PGAP1: variants seen among roughly 807,000 people sequenced by gnomAD.
The protein encoded by PGAP1 is post-GPI attachment to proteins inositol deacylase 1, also known as GPI inositol-deacylase.
In PGAP1, 76 loss-of-function variants were observed where a neutral mutation model predicts 127.0. The observed-to-expected ratio is 0.60, with a 90% CI of 0.50 to 0.72. The LOEUF (loss-of-function observed/expected upper bound fraction) is 0.72, where lower values mean the gene tolerates loss of function less well. Among genes scored for constraint, PGAP1 ranks in the 30% least tolerant of loss-of-function variants. The pLI is 0.00. For synonymous variants in PGAP1, 362 were observed against 366.5 expected (o/e 0.99, Z 0.14); for missense variants, 982 against 1,071.3 (o/e 0.92, Z 1.16).
chr2:196,875,870 G>A, intron 13 of PGAP1, 49 bp from the exon 14 acceptor site: 1 of 958,964 alleles, frequency 1.0e-6, no homozygotes, highest in Non-Finnish European at 1.6e-6. Context: ...TAAATTTACA[G>A]TAAAGTATCT....
intron 12 of PGAP1, 101 bp downstream of exon 12, chr2:196,885,318 GTTTAT>G: frequency 1.4e-6 from 1 of 721,620 alleles, no homozygotes; most frequent in East Asian, 2.7e-5. Flanking sequence ...TAAATCTCAA[GTTTAT>G]TTAATACCAA....
intron 7 of PGAP1, among the ~76,000 whole-genome samples, chr2:196,895,175 C>A (rs1702232245): frequency 6.6e-6 from 1 of 152,106 alleles, no homozygotes; most frequent in Non-Finnish European, 1.5e-5. Flanking sequence ...AAAAATTTCT[C>A]ATTTTCTCCT....
chr2:196,913,464 T>C (rs753259114), intron 3 of PGAP1, among the ~76,000 whole-genome samples: 2 of 152,378 alleles, frequency 1.3e-5, no homozygotes, highest in African/African-American at 2.4e-5. Flanking sequence ...ACAGTTGCGA[T>C]AGCAATATAT....
In PGAP1 at chr2:196,898,467, T is replaced by C. The variant is rs1472961331; in HGVS notation, c.808-98A>G. The C allele has an allele frequency of 9.2e-6, 7 of 761,478 alleles. No individual in the cohort carries two copies. In the South Asian group the frequency reaches 1.2e-4, roughly 13 times the overall value. The allele number at this position is 761,478 out of a possible 1,614,324, so 47.2% of individuals were successfully genotyped here. ...AGCTAATATTTAGAAACACATAATA[T>C]AGTTTCACTATATTGTGAGGCCTAG... is the stretch of plus-strand genomic sequence containing the variant. On this transcript the variant is annotated intron_variant, in intron 5 of 26. Transcript: ENST00000354764.
intron 7 of PGAP1, among the ~76,000 whole-genome samples, chr2:196,896,920 C>A (rs1702299669): frequency 6.7e-6 from 1 of 149,968 alleles, no homozygotes; most frequent in Admixed American, 6.6e-5. Flanking sequence ...TTTCACTTTT[C>A]ATTTTCATTG....
Position 196,926,688 on chromosome 2 carries a change from G to C in PGAP1, c.-72C>G, listed in dbSNP as rs537664767. The C allele has an allele frequency of 5.0e-6, 8 of 1,602,478 alleles. No individual in the cohort carries two copies. In the East Asian group the frequency reaches 6.7e-5, roughly 13 times the overall value. ...TCTCCGCCGCGGGGCCCCAAGCCCG[G>C]ACTGAGCGTGCTAGACACTGTCCGA... On this transcript the variant is annotated 5_prime_UTR_variant, in exon 1 of 27. Transcript: ENST00000354764.
At chr2:196,852,671 A>G (rs760239348) in intron 20 of PGAP1, among the ~76,000 whole-genome samples, 42 of 152,080 alleles carry the variant, frequency 2.8e-4, no homozygotes, top group Non-Finnish European at 5.1e-4. Flanking sequence ...TAGAAACAAG[A>G]TAGAAAGGAA....
intron 20 of PGAP1, among the ~76,000 whole-genome samples, chr2:196,851,979 T>A (rs563704140): frequency 3.9e-5 from 6 of 152,212 alleles, no homozygotes; most frequent in Non-Finnish European, 8.8e-5. Flanking sequence ...TTTAATATTT[T>A]ACGTGATCTG....
intron 20 of PGAP1, among the ~76,000 whole-genome samples, chr2:196,861,432 T>C (rs533981411): frequency 1.8e-4 from 28 of 152,248 alleles, no homozygotes; most frequent in Admixed American, 1.5e-3. Context: ...TGATAAAGGA[T>C]TAATAACCAG....
intron 20 of PGAP1, among the ~76,000 whole-genome samples, chr2:196,856,942 C>T (rs571963242): frequency 6.6e-6 from 1 of 152,112 alleles, no homozygotes; most frequent in Non-Finnish European, 1.5e-5. Context: ...TTTTGTAATT[C>T]TCATTGTGGA....
At chr2:196,891,213 T>C (rs1382129097) in intron 9 of PGAP1, among the ~76,000 whole-genome samples, 1 of 152,120 alleles carries the variant, frequency 6.6e-6, no homozygotes, top group Non-Finnish European at 1.5e-5. Flanking sequence ...GCTCTGGCCA[T>C]TGAAAAGGCC....
At chr2:196,866,687 C>T (rs1440895360) in intron 19 of PGAP1, among the ~76,000 whole-genome samples, 1 of 151,972 alleles carries the variant, frequency 6.6e-6, no homozygotes, top group African/African-American at 2.4e-5. Flanking sequence ...AACAGGCAAC[C>T]TACAGAATGG....
chr2:196,894,892 G>C (rs1360519122), intron 7 of PGAP1, among the ~76,000 whole-genome samples: 1 of 152,134 alleles, frequency 6.6e-6, no homozygotes, highest in East Asian at 1.9e-4. Context: ...CTACTCACAA[G>C]TTTTTAGCTA....
chr2:196,867,516 C>T (rs562729831), intron 19 of PGAP1, among the ~76,000 whole-genome samples: 1 of 152,170 alleles, frequency 6.6e-6, no homozygotes, highest in South Asian at 2.1e-4. Flanking sequence ...AGGAGAAATA[C>T]CTAATGTAGA....
At chr2:196,895,129 T>C (rs1402578584) in intron 7 of PGAP1, among the ~76,000 whole-genome samples, 1 of 152,212 alleles carries the variant, frequency 6.6e-6, no homozygotes, top group African/African-American at 2.4e-5. Flanking sequence ...CTCAGTTTCA[T>C]AAACAGTATT....
chr2:196,851,247 T>C (rs765954492), intron 20 of PGAP1, among the ~76,000 whole-genome samples: 11 of 152,064 alleles, frequency 7.2e-5, no homozygotes, highest in South Asian at 4.1e-4. Flanking sequence ...GTATACATAA[T>C]AGCAAAACTG....
intron 2 of PGAP1, among the ~76,000 whole-genome samples, chr2:196,917,242 T>G (rs1703044272): frequency 1.3e-5 from 2 of 152,206 alleles, no homozygotes; most frequent in Non-Finnish European, 2.9e-5. Context: ...ATAAATTGCT[T>G]ATATTAGGTG....
Position 196,923,201 on chromosome 2 carries a change from G to C in PGAP1, c.148-3051C>G, listed in dbSNP as rs145452017. Among the ~76,000 whole-genome samples the C allele has an allele frequency of 1.0e-3, 156 of 152,074 alleles. 1 individual carries two copies. The highest frequency in any genetic ancestry group is 2.5e-3 in the Admixed American group (38 of 15,272). On this transcript the variant is annotated intron_variant, in intron 1 of 26. Coordinates refer to ENST00000354764, the MANE Select transcript of PGAP1 (RefSeq NM_024989.4). ...ATATATACAAGCAAATATGTTTATC[G>C]ATTATTTTTTAGTTTTAACATAAAT... is the stretch of plus-strand genomic sequence containing the variant.
intron 16 of PGAP1, 77 bp downstream of exon 16, chr2:196,873,451 G>A (rs1307303366): frequency 2.0e-6 from 2 of 1,004,830 alleles, no homozygotes; most frequent in African/African-American, 3.3e-5. Flanking sequence ...AAGTATTATA[G>A]AAAATTTGAG....
Sources: allele counts gnomAD v4.1 joint callset (sites outside exome capture counted in the v4.1 genomes callset), GRCh38; gene constraint gnomAD v4.1.1; transcripts MANE v1.5; gene names NCBI Gene and HGNC (gene_info 2026-07-23, HGNC 2026-07-21).